The following ARHGEF12 variants were observed in gnomAD, a reference collection of about 807,000 sequenced individuals.
ARHGEF12 encodes the protein KMT2A/ARHGEF12 fusion protein.
In ARHGEF12, 66 loss-of-function variants were observed where a neutral mutation model predicts 211.2. The ratio of observed to expected loss-of-function variants is 0.31; its 90% CI spans 0.26 to 0.38. The LOEUF (loss-of-function observed/expected upper bound fraction) is 0.38. ARHGEF12 is among the 10% of genes least tolerant of loss of function. The pLI is 1.00. For synonymous variants in ARHGEF12, 592 were observed against 638.4 expected (o/e 0.93, Z 1.09); for missense variants, 1,429 against 1,869.5 (o/e 0.76, Z 4.34).
chr11:120,395,056 C>CAAAAAAAAA (rs758953056), intron 1 of ARHGEF12, among the ~76,000 whole-genome samples: 2 of 34,584 alleles, frequency 5.8e-5, no homozygotes, highest in Admixed American at 2.9e-4. Context: ...GACTCTATCT[C>CAAAAAAAAA]AAAAAAAAAA....
chr11:120,364,856 C>T (rs991632953), intron 1 of ARHGEF12, among the ~76,000 whole-genome samples: 6 of 133,562 alleles, frequency 4.5e-5, no homozygotes, highest in Non-Finnish European at 6.2e-5. Context: ...CCCACTTTGT[C>T]GCCTAGGCTT....
In ARHGEF12 at chr11:120,447,857, T is replaced by G; in HGVS notation, c.1590-17T>G. Reference sequence around the variant, plus strand: ...CTTCCATATTTCATTTTTAAATTTTTTTTTCTTTTTTTTAAGGATGACTGC... The same window carrying G: ...CTTCCATATTTCATTTTTAAATTTTGTTTTCTTTTTTTTAAGGATGACTGC... On this transcript the variant is annotated splice_polypyrimidine_tract_variant and intron_variant, in intron 18 of 40. Coordinates refer to ENST00000397843, the MANE Select transcript of ARHGEF12 (RefSeq NM_015313.3). The G allele has an allele frequency of 6.5e-7, 1 of 1,532,430 alleles. No homozygotes were observed. The highest frequency in any genetic ancestry group is 8.8e-7 in the Non-Finnish European group (1 of 1,136,456). 94.9% of individuals were successfully genotyped at this position (1,532,430 alleles called of 1,614,324 possible). A position where few individuals can be genotyped will look rare whatever the true frequency, so the allele number is the denominator to read the frequency against.
Position 120,395,019 on chromosome 11 carries a change from T to C in ARHGEF12, c.33-11099T>C, listed in dbSNP as rs79240611. The stretch of plus-strand genomic sequence containing the variant: ...TTGCAATGAGCTGAGATGGTGCCAC[T>C]ACACACCATCCTGCCCAACAGAGCA... On this transcript the variant is annotated intron_variant, in intron 1 of 40. Transcript: ENST00000397843. Among the ~76,000 whole-genome samples the C allele has an allele frequency of 0.011, 1,274 of 118,168 alleles. 86 individuals carry two copies. In the South Asian group the frequency reaches 0.19, roughly 17 times the overall value. The allele number at this position is 118,168 out of a possible 152,430, so 77.5% of individuals were successfully genotyped here.
At position 120,478,310 on chromosome 11, in the gene ARHGEF12, A is replaced by G; in HGVS notation, c.3687A>G (p.Gly1229=). The change falls in exon 37 of 41, where the codon GGA becomes GGG. Residue 1229 remains glycine, a synonymous_variant. Coordinates refer to ENST00000397843, the MANE Select transcript of ARHGEF12 (RefSeq NM_015313.3). ...CAGATGGGACACTAAAGGAAGTTGG[A>G]GAAGATTATCAAATCGCAATCCCAG... The part of the protein sequence containing the change: ...QHTDGTLKEV[G]EDYQIAIPDS... 6.2e-7 allele frequency: 1 copy of G among 1,614,220 alleles called. No homozygotes were observed. Among genetic ancestry groups the G allele is most frequent in the Middle Eastern group, 1.6e-4 (1 of 6,062 alleles).
At chr11:120,405,443 C>T (rs538718441) in intron 1 of ARHGEF12, among the ~76,000 whole-genome samples, 11 of 151,984 alleles carry the variant, frequency 7.2e-5, no homozygotes, top group African/African-American at 2.7e-4. Flanking sequence ...GCTTATAGGA[C>T]CCCCCCAGAA....
intron 1 of ARHGEF12, among the ~76,000 whole-genome samples, chr11:120,374,993 A>G (rs1403735531): frequency 2.0e-5 from 3 of 152,198 alleles, no homozygotes; most frequent in Non-Finnish European, 2.9e-5. Context: ...TGTCAACAAA[A>G]TGAACGAGAT....
In ARHGEF12 at chr11:120,487,145, C is replaced by G. The variant is rs1010088789; in HGVS notation, c.*2068C>G. The G allele has an allele frequency of 9.2e-6, 2 of 217,640 alleles. No homozygotes were observed. The highest frequency in any genetic ancestry group is 4.5e-5 in the African/African-American group (2 of 44,464). The allele number at this position is 217,640 out of a possible 1,614,324, so 13.5% of individuals were successfully genotyped here. A position where few individuals can be genotyped will look rare whatever the true frequency, so the allele number is the denominator to read the frequency against. Reference sequence around the variant, plus strand: ...GTAAATATAAAAACTTTGCTCTTAACGTCACACACTACAGGGTAATTATGT... The same window carrying G: ...GTAAATATAAAAACTTTGCTCTTAAGGTCACACACTACAGGGTAATTATGT... On this transcript the variant is annotated 3_prime_UTR_variant, in exon 41 of 41. Transcript: ENST00000397843.
chr11:120,337,397 C>T (rs1591469965), intron 1 of ARHGEF12, 122 bp downstream of exon 1: 4 of 1,544,378 alleles, frequency 2.6e-6, no homozygotes, highest in Non-Finnish European at 8.8e-7. Flanking sequence ...AGGGTTGTTT[C>T]GGAGCTGTGC....
At chr11:120,405,419 C>T (rs1052669425) in intron 1 of ARHGEF12, among the ~76,000 whole-genome samples, 22 of 152,024 alleles carry the variant, frequency 1.4e-4, no homozygotes, top group African/African-American at 5.3e-4. Flanking sequence ...GGAGGAAATG[C>T]TGTAGTTCTT....
At chr11:120,394,241 A>G (rs889629351) in intron 1 of ARHGEF12, among the ~76,000 whole-genome samples, 2 of 151,462 alleles carry the variant, frequency 1.3e-5, no homozygotes, top group Non-Finnish European at 2.9e-5. Context: ...TTTTTTTAAG[A>G]CAGGGTCTTA....
chr11:120,476,640 A>T, intron 33 of ARHGEF12, 21 bp from the exon 34 acceptor site: 1 of 1,602,222 alleles, frequency 6.2e-7, no homozygotes, highest in Non-Finnish European at 8.5e-7. Context: ...TATTAGAGTA[A>T]TCTTGTATTG....
At position 120,451,663 on chromosome 11, in the gene ARHGEF12, C is replaced by A; in HGVS notation, c.1995C>A (p.Ser665=). Residue 665 remains serine, a synonymous_variant, in exon 22 of 41, where the codon TCC becomes TCA. Coordinates refer to ENST00000397843, the MANE Select transcript of ARHGEF12 (RefSeq NM_015313.3). ...GTDAGYLPAN[S]MSSVASGASF... is the part of the protein sequence containing the mutation. ...ACGCTGGATACCTGCCTGCCAATTC[C>A]ATGTCTTCTGTAGCTTCAGGGGCCT... 1 of 1,614,082 alleles carries A rather than the reference C, an allele frequency of 6.2e-7. No homozygotes were observed. The highest frequency in any genetic ancestry group is 8.5e-7 in the Non-Finnish European group (1 of 1,180,004).
chr11:120,346,984 C>T (rs575101941), intron 1 of ARHGEF12, among the ~76,000 whole-genome samples: 1 of 152,238 alleles, frequency 6.6e-6, no homozygotes, highest in African/African-American at 2.4e-5. Context: ...ACTATATAGA[C>T]TGACAGGTGT....
chr11:120,461,177 A>G (rs952290647), intron 27 of ARHGEF12, among the ~76,000 whole-genome samples: 2 of 152,224 alleles, frequency 1.3e-5, no homozygotes, highest in African/African-American at 4.8e-5. Context: ...AATCCTTTTC[A>G]GAAGGTATTC....
At chr11:120,472,962 A>G in intron 30 of ARHGEF12, 88 bp from the exon 31 acceptor site, 1 of 1,307,682 alleles carries the variant, frequency 7.6e-7, no homozygotes, top group Non-Finnish European at 1.1e-6. Context: ...GCCAAAATGG[A>G]GATTTTAAAT....
In ARHGEF12 at chr11:120,429,506, G is replaced by A. The variant is rs931361018; in HGVS notation, c.652G>A (p.Glu218Lys). Reference sequence around the variant, plus strand: ...GAGAAAAATGTTACAGAAAGAACAGGAACGGCTACAGGTATTAAATGAGAA... The same window carrying A: ...GAGAAAAATGTTACAGAAAGAACAGAAACGGCTACAGGTATTAAATGAGAA... ...ILRKMLQKEQ[E>K]RLQLLQEDYN... Residue 218 changes from glutamate to lysine, a missense_variant, in exon 9 of 41, where the codon GAA (glutamate) becomes AAA (lysine). Physicochemically the swap from Glu to Lys is moderately conservative, Grantham distance 56. Coordinates refer to ENST00000397843, the MANE Select transcript of ARHGEF12 (RefSeq NM_015313.3). 1 of 1,613,810 alleles carries A rather than the reference G, an allele frequency of 6.2e-7. No homozygotes were observed. The highest frequency in any genetic ancestry group is 1.3e-5 in the African/African-American group (1 of 75,038).
intron 23 of ARHGEF12, 81 bp from the exon 24 acceptor site, chr11:120,457,640 A>G: frequency 9.5e-7 from 1 of 1,056,108 alleles, no homozygotes; most frequent in Non-Finnish European, 1.4e-6. Flanking sequence ...CTGGAGTTTA[A>G]CCTAGCTTTG....
At chr11:120,467,401 A>T in intron 29 of ARHGEF12, 93 bp downstream of exon 29, 10 of 546,518 alleles carry the variant, frequency 1.8e-5, no homozygotes, top group Non-Finnish European at 2.8e-5. Flanking sequence ...TCCTGAATGG[A>T]GTTGGATTTC....
chr11:120,465,082 T>C, intron 27 of ARHGEF12, 155 bp from the exon 28 acceptor site: 1 of 923,914 alleles, frequency 1.1e-6, no homozygotes, highest in Non-Finnish European at 1.7e-6. Context: ...ATCAGACCTT[T>C]TTAATGGAGA....
Sources: allele counts gnomAD v4.1 joint callset (sites outside exome capture counted in the v4.1 genomes callset), GRCh38; gene constraint gnomAD v4.1.1; transcripts MANE v1.5; gene names NCBI Gene and HGNC (gene_info 2026-07-23, HGNC 2026-07-21).